MTMR12: variants seen among roughly 807,000 people sequenced by gnomAD.
MTMR12 encodes myotubularin related protein 12.
In MTMR12, 33 loss-of-function variants were observed where a neutral mutation model predicts 96.7. The observed-to-expected ratio is 0.34, with a 90% CI of 0.26 to 0.46. The LOEUF is 0.46. Among genes scored for constraint, MTMR12 ranks in the 20% least tolerant of loss-of-function variants. The probability of loss-of-function intolerance (pLI) is 1.00; values close to 1 mark genes in which losing one functional copy is unlikely to be tolerated. For synonymous variants in MTMR12, 298 were observed against 327.2 expected (o/e 0.91, Z 0.96); for missense variants, 721 against 896.1 (o/e 0.80, Z 2.49).
intron 1 of MTMR12, among the ~76,000 whole-genome samples, chr5:32,282,209 C>G (rs907764806): frequency 2.6e-5 from 4 of 151,780 alleles, no homozygotes; most frequent in African/African-American, 9.7e-5. Context: ...GGTGAAACCC[C>G]GTCTCTACTA....
At chr5:32,265,026 C>T (rs1749536550) in intron 6 of MTMR12, among the ~76,000 whole-genome samples, 3 of 151,836 alleles carry the variant, frequency 2.0e-5, no homozygotes, top group Admixed American at 2.0e-4. Context: ...CCATTTACCA[C>T]AGTAGGCCAT....
At position 32,312,654 on chromosome 5, in the gene MTMR12, G is replaced by C; in HGVS notation, c.81+104C>G. The C allele has an allele frequency of 7.3e-6, 8 of 1,102,490 alleles. No homozygotes were observed. The African/African-American group carries it at 8.4e-5, about 12-fold the overall frequency. The allele number at this position is 1,102,490 out of a possible 1,614,324, so 68.3% of individuals were successfully genotyped here. On this transcript the variant is annotated intron_variant, in intron 1 of 15. Coordinates refer to ENST00000382142, the MANE Select transcript of MTMR12 (RefSeq NM_001040446.3). This position sits in a 1 kb window ranked among gnomAD's most constrained non-coding sequence, Gnocchi z 5.0. ...GGCTGCCCCGTCGCCCGGCACAAGGGCAGGAAGCGCTCCGCGGCGCTCCCC... is the reference window on the plus strand; with the variant it reads ...GGCTGCCCCGTCGCCCGGCACAAGGCCAGGAAGCGCTCCGCGGCGCTCCCC...
At chr5:32,275,914 C>T (rs1750033267) in intron 2 of MTMR12, among the ~76,000 whole-genome samples, 1 of 152,080 alleles carries the variant, frequency 6.6e-6, no homozygotes, top group Non-Finnish European at 1.5e-5. Context: ...ATTTATATCC[C>T]CTCAATAAAC....
intron 8 of MTMR12, among the ~76,000 whole-genome samples, chr5:32,253,829 G>A (rs536771703): frequency 5.3e-5 from 8 of 152,132 alleles, no homozygotes; most frequent in Admixed American, 3.3e-4. Context: ...TCGCTTTGTC[G>A]CCCAGGCTGA....
intron 1 of MTMR12, among the ~76,000 whole-genome samples, chr5:32,308,789 G>C (rs1207578113): frequency 6.6e-6 from 1 of 151,984 alleles, no homozygotes; most frequent in African/African-American, 2.4e-5. Flanking sequence ...ATTTTTAGTA[G>C]AGACGGGGTT....
At chr5:32,246,118 C>G (rs1047945864) in intron 10 of MTMR12, among the ~76,000 whole-genome samples, 13 of 151,134 alleles carry the variant, frequency 8.6e-5, no homozygotes, top group African/African-American at 2.9e-4. Flanking sequence ...AAGCTCTGCT[C>G]TCATCTGAAG....
At position 32,312,010 on chromosome 5, in the gene MTMR12, G is replaced by A. The variant is rs1751616324; in HGVS notation, c.81+748C>T. 6.6e-6 allele frequency among the ~76,000 whole-genome samples: 1 copy of A among 152,184 alleles called. No individual in the cohort carries two copies. Among genetic ancestry groups the A allele is most frequent in the Non-Finnish European group, 1.5e-5 (1 of 68,036 alleles). On this transcript the variant is annotated intron_variant, in intron 1 of 15. Transcript: ENST00000382142. The surrounding 1 kb of genome is among the most constrained non-coding windows in gnomAD (Gnocchi z 5.0). ...CCCTCAAATAAGCTCCAGGAATGCA[G>A]AGATCTCTGTCCTGTTCACTGATGT... is the stretch of plus-strand genomic sequence containing the variant.
At chr5:32,276,360 T>C (rs975433688) in intron 2 of MTMR12, among the ~76,000 whole-genome samples, 1 of 152,198 alleles carries the variant, frequency 6.6e-6, no homozygotes, top group Admixed American at 6.5e-5. Flanking sequence ...TCCCTACAGA[T>C]TGGGGATCAG....
At chr5:32,310,797 GT>G (rs1751553180) in intron 1 of MTMR12, among the ~76,000 whole-genome samples, 2 of 151,842 alleles carry the variant, frequency 1.3e-5, no homozygotes, top group African/African-American at 4.8e-5. Context: ...TGGATAGTGT[GT>G]AACACAAAGG....
At chr5:32,285,564 CTT>C (rs1455181134) in intron 1 of MTMR12, among the ~76,000 whole-genome samples, 2 of 152,130 alleles carry the variant, frequency 1.3e-5, no homozygotes, top group African/African-American at 4.8e-5. Flanking sequence ...AAAAATAAGT[CTT>C]CCAGTTTCCG....
intron 1 of MTMR12, among the ~76,000 whole-genome samples, chr5:32,280,910 G>C (rs902977704): frequency 6.6e-6 from 1 of 151,934 alleles, no homozygotes; most frequent in Non-Finnish European, 1.5e-5. Flanking sequence ...CTGTGCTTCT[G>C]CTTGATTTCC....
chr5:32,229,763 C>G lies in MTMR12; in HGVS notation c.*15G>C. 1 of 1,497,234 alleles carries G rather than the reference C, an allele frequency of 6.7e-7. No individual in the cohort carries two copies. 92.7% of individuals were successfully genotyped at this position (1,497,234 alleles called of 1,614,324 possible). On this transcript the variant is annotated 3_prime_UTR_variant, in exon 16 of 16. Coordinates refer to ENST00000382142, the MANE Select transcript of MTMR12 (RefSeq NM_001040446.3). ...ATCTCCCACATTCCTCTTTCACAATCACTCAACAAACAGGTCACACATCCC... is the reference window on the plus strand; with the variant it reads ...ATCTCCCACATTCCTCTTTCACAATGACTCAACAAACAGGTCACACATCCC...
intron 7 of MTMR12, among the ~76,000 whole-genome samples, chr5:32,258,896 CT>C (rs1307766070): frequency 1.0e-5 from 1 of 96,510 alleles, no homozygotes; most frequent in African/African-American, 4.4e-5. Context: ...TATAGATGGT[CT>C]TTCACAAAAA....
At chr5:32,235,438 C>G (rs73752846) in intron 13 of MTMR12, among the ~76,000 whole-genome samples, 8,749 of 152,194 alleles carry the variant, frequency 0.057, 837 homozygotes, top group African/African-American at 0.2. Flanking sequence ...AACTTAGAAC[C>G]CCAATTAAGC....
At chr5:32,279,741 T>C (rs1162322958) in intron 1 of MTMR12, among the ~76,000 whole-genome samples, 1 of 152,192 alleles carries the variant, frequency 6.6e-6, no homozygotes, top group African/African-American at 2.4e-5. Context: ...GGGGATGATT[T>C]TGGGATGAAA....
intron 1 of MTMR12, among the ~76,000 whole-genome samples, chr5:32,297,656 C>CAA: frequency 6.6e-6 from 1 of 151,760 alleles, no homozygotes. Context: ...GCAGTGAAAG[C>CAA]ATTACTCATT....
rs567476384 is a variant in MTMR12, at chr5:32,231,407, T to TAA, written c.1675-1062_1675-1061dup. Among the ~76,000 whole-genome samples, 989 of 133,540 alleles carry TAA rather than the reference T, an allele frequency of 7.4e-3. 7 individuals carry two copies. The highest frequency in any genetic ancestry group is 0.033 in the African/African-American group (944 of 28,570). 87.6% of individuals were successfully genotyped at this position (133,540 alleles called of 152,430 possible). A position where few individuals can be genotyped will look rare whatever the true frequency, so the allele number is the denominator to read the frequency against. On this transcript the variant is annotated intron_variant, in intron 15 of 15. Coordinates refer to ENST00000382142, the MANE Select transcript of MTMR12 (RefSeq NM_001040446.3). ...AAAAAAAAAAAAAAAAAAAGGGTTG[T>TAA]AAAAGATGGATGTGGTCGGAAGGTC...
chr5:32,285,879 A>C (rs1750523318), intron 1 of MTMR12, among the ~76,000 whole-genome samples: 1 of 151,828 alleles, frequency 6.6e-6, no homozygotes. Context: ...TCTCAGAACT[A>C]TGTTTCTGAG....
chr5:32,242,478 A>G (rs1748515769), intron 11 of MTMR12, among the ~76,000 whole-genome samples: 1 of 152,224 alleles, frequency 6.6e-6, no homozygotes, highest in Admixed American at 6.5e-5. Context: ...AGACATGTCC[A>G]GATTGCTTTA....
Sources: gnomAD v4.1 joint callset for allele counts (sites outside exome capture counted in the v4.1 genomes callset) on GRCh38, gnomAD v4.1.1 for gene constraint, Gnocchi (gnomAD v3.1) non-coding constraint, MANE v1.5 for transcripts, NCBI Gene and HGNC (gene_info 2026-07-23, HGNC 2026-07-21) for gene names.